The following HMGCL variants were observed in gnomAD, a reference collection of about 807,000 sequenced individuals.
HMGCL encodes hydroxymethylglutaryl-CoA lyase, mitochondrial.
HMGCL carries 26 observed loss-of-function variants against 37.3 expected under a neutral mutation model. The observed-to-expected ratio is 0.70, with a 90% confidence interval of 0.51 to 0.97. The LOEUF (loss-of-function observed/expected upper bound fraction) is 0.97, where lower values mean the gene tolerates loss of function less well. HMGCL is among the 50% of genes least tolerant of loss of function. HMGCL has a pLI of 0.00. For synonymous variants in HMGCL, 151 were observed against 148.0 expected, an observed-to-expected ratio of 1.02 and a Z score of -0.15; for missense variants, 379 against 398.1, an observed-to-expected ratio of 0.95 and a Z score of 0.41.
chr1:23,812,370 T>G (rs1459298523), intron 5 of HMGCL, among the ~76,000 whole-genome samples: 2 of 152,116 alleles, frequency 1.3e-5, no homozygotes, highest in Non-Finnish European at 2.9e-5. Context: ...GTTCTTTATT[T>G]TTTGGAGACA....
At chr1:23,817,643 C>G in intron 2 of HMGCL, 60 bp from the exon 3 acceptor site, 1 of 1,007,442 alleles carries the variant, frequency 9.9e-7, no homozygotes, top group Middle Eastern at 2.5e-4. Flanking sequence ...CCTCAAAATG[C>G]AGTACCTGTT....
At chr1:23,815,588 C>T (rs904288513) in intron 4 of HMGCL, among the ~76,000 whole-genome samples, 8 of 151,228 alleles carry the variant, frequency 5.3e-5, no homozygotes, top group African/African-American at 1.5e-4. Context: ...CTCCGCCTTC[C>T]GGGTTCAAGT....
At chr1:23,819,101 C>T (rs758377624) in intron 2 of HMGCL, among the ~76,000 whole-genome samples, 6 of 147,690 alleles carry the variant, frequency 4.1e-5, no homozygotes, top group Non-Finnish European at 9.0e-5. Context: ...AAAAACATGC[C>T]AAAAACAAAA....
chr1:23,809,203 G>A (rs1638470200), intron 6 of HMGCL: 1 of 138,332 alleles, frequency 7.2e-6, no homozygotes, highest in Non-Finnish European at 1.5e-5. Context: ...ACCATACCCG[G>A]CCAATCAATA....
chr1:23,819,870 T>G (rs1638681461), intron 2 of HMGCL, among the ~76,000 whole-genome samples: 2 of 152,066 alleles, frequency 1.3e-5, no homozygotes, highest in African/African-American at 2.4e-5. Flanking sequence ...CCCAGTCACA[T>G]GTACTATTTT....
intron 1 of HMGCL, among the ~76,000 whole-genome samples, chr1:23,821,563 G>A (rs1246078913): frequency 6.6e-6 from 1 of 152,104 alleles, no homozygotes; most frequent in East Asian, 1.9e-4. Flanking sequence ...AGAGGCTGAG[G>A]TGGGAGAATC....
chr1:23,810,681 G>A (rs1638503580), intron 6 of HMGCL, 55 bp downstream of exon 6: 1 of 1,478,392 alleles, frequency 6.8e-7, no homozygotes, highest in Non-Finnish European at 9.5e-7. Context: ...TGCGCTCAGG[G>A]GCAGACAAGG....
intron 5 of HMGCL, 26 bp from the exon 6 acceptor site, chr1:23,810,825 G>A (rs745517450): frequency 3.1e-6 from 5 of 1,604,936 alleles, no homozygotes; most frequent in Admixed American, 1.7e-5. Context: ...GGAGGAATGA[G>A]GTCAGTGTCC....
intron 4 of HMGCL, among the ~76,000 whole-genome samples, chr1:23,814,762 TG>T (rs2148422737): frequency 6.6e-6 from 1 of 152,304 alleles, no homozygotes; most frequent in Admixed American, 6.5e-5. Context: ...GGTTGAATTG[TG>T]TCCTCCTAAA....
At chr1:23,807,162 T>G (rs763869501) in intron 7 of HMGCL, 3 of 519,058 alleles carry the variant, frequency 5.8e-6, no homozygotes, top group Non-Finnish European at 1.2e-5. Flanking sequence ...ACCTCAGCTG[T>G]GCAGAATTCC....
At chr1:23,812,414 T>C (rs1015045560) in intron 5 of HMGCL, among the ~76,000 whole-genome samples, 1 of 152,176 alleles carries the variant, frequency 6.6e-6, no homozygotes, top group African/African-American at 2.4e-5. Context: ...TGGTGTGCAG[T>C]GGCATGATTT....
intron 1 of HMGCL, among the ~76,000 whole-genome samples, chr1:23,822,360 A>G (rs1286268524): frequency 6.6e-6 from 1 of 152,184 alleles, no homozygotes; most frequent in African/African-American, 2.4e-5. Context: ...TCCTCTATAT[A>G]AAGTCAGCTC....
intron 6 of HMGCL, chr1:23,809,232 ATATATATTTT>A (rs1638471689): frequency 1.4e-5 from 1 of 71,644 alleles, no homozygotes; most frequent in Non-Finnish European, 2.6e-5. Context: ...ATATATATAT[ATATATATTTT>A]TTTTTTTTTT....
chr1:23,815,977 G>A (rs767857807), intron 4 of HMGCL, among the ~76,000 whole-genome samples: 6 of 151,466 alleles, frequency 4.0e-5, no homozygotes, highest in East Asian at 1.9e-4. Flanking sequence ...AGAGTGCAGC[G>A]GTATTATCAT....
chr1:23,816,088 AT>A (rs35297134), intron 4 of HMGCL, among the ~76,000 whole-genome samples: 68,974 of 130,248 alleles, frequency 0.53, 16,900 homozygotes, highest in South Asian at 0.67. Flanking sequence ...CAGCTAATTG[AT>A]TTTTTTTTTT....
At chr1:23,821,605 GCTATGACTGTGCCACTACA>G (rs1222746910) in intron 1 of HMGCL, among the ~76,000 whole-genome samples, 9 of 152,100 alleles carry the variant, frequency 5.9e-5, no homozygotes, top group Non-Finnish European at 1.5e-5. Context: ...CCTGCAGTGA[GCTATGACTGTGCCACTACA>G]CTCCAGCCTG....
chr1:23,810,922 G>A (rs1185434809), intron 5 of HMGCL, 123 bp from the exon 6 acceptor site: 2 of 757,832 alleles, frequency 2.6e-6, no homozygotes, highest in South Asian at 2.9e-5. Flanking sequence ...GCTGGGCGGA[G>A]TAAGGGCAGG....
chr1:23,811,967 GA>G (rs1638527869), intron 5 of HMGCL, among the ~76,000 whole-genome samples: 1 of 152,212 alleles, frequency 6.6e-6, no homozygotes, highest in Non-Finnish European at 1.5e-5. Flanking sequence ...TGCTGAGCAA[GA>G]AAAAGGTAAG....
intron 1 of HMGCL, among the ~76,000 whole-genome samples, chr1:23,824,860 G>T (rs1638786858): frequency 6.6e-6 from 1 of 152,172 alleles, no homozygotes; most frequent in Non-Finnish European, 1.5e-5. Context: ...AAAACATCAG[G>T]ATCGAACAGG....
Sources: gnomAD v4.1 joint callset for allele counts (sites outside exome capture counted in the v4.1 genomes callset) on GRCh38, gnomAD v4.1.1 for gene constraint, MANE v1.5 for transcripts, NCBI Gene and HGNC (gene_info 2026-07-23, HGNC 2026-07-21) for gene names.